Variants in PTPN23 observed in about 807,000 individuals in gnomAD.
PTPN23 encodes the protein tyrosine-protein phosphatase non-receptor type 23.
In PTPN23, 72 loss-of-function variants were observed where a neutral mutation model predicts 156.3. The observed-to-expected ratio is 0.46, with a 90% CI of 0.38 to 0.56. The LOEUF (loss-of-function observed/expected upper bound fraction) is 0.56, where lower values mean the gene tolerates loss of function less well. PTPN23 is among the 20% of genes least tolerant of loss of function. PTPN23 has a pLI of 0.00. For synonymous variants in PTPN23, 957 were observed against 899.6 expected (o/e 1.06, Z -1.14); for missense variants, 1,974 against 2,171.5 (o/e 0.91, Z 1.81).
chr3:47,391,980 G>A lies in PTPN23; in HGVS notation c.85-4163G>A, dbSNP rs117221514. ...GGTTCACTGCAACCTTGAACTCCTG[G>A]TGTCAAGCAGTCCTCTCACCTCAAC... On this transcript the variant is annotated intron_variant, in intron 1 of 24. Coordinates refer to ENST00000265562, the MANE Select transcript of PTPN23 (RefSeq NM_015466.4). 2.8e-3 allele frequency among the ~76,000 whole-genome samples: 426 copies of A among 152,234 alleles called. 21 individuals carry two copies. In the East Asian group the frequency reaches 0.061, roughly 22 times the overall value.
Position 47,412,887 on chromosome 3 carries a change from C to A in PTPN23, c.4613C>A (p.Thr1538Asn), listed in dbSNP as rs191428538. 6.2e-7 allele frequency: 1 copy of A among 1,611,628 alleles called. No homozygotes were observed. Among genetic ancestry groups the A allele is most frequent in the Admixed American group, 1.7e-5 (1 of 59,914 alleles). The change falls in exon 25 of 25, where the codon ACC becomes AAC. Residue 1538 changes from threonine to asparagine, a missense_variant. By Grantham distance (65) the Thr-to-Asn change is moderately conservative (BLOSUM62 0). This residue lies in a region of PTPN23 where 484 missense variants were observed against 516.0 expected (regional missense o/e 0.94). Transcript: ENST00000265562. ...GLPPASLPESTPIPSSSPPPL... is the reference protein window; with the variant it reads ...GLPPASLPESNPIPSSSPPPL... ...CCGCCAGCCAGCCTCCCAGAGTCTA[C>A]CCCAATCCCATCTTCCTCCCCGCCC...
intron 1 of PTPN23, among the ~76,000 whole-genome samples, chr3:47,387,295 G>A (rs1036261988): frequency 8.0e-5 from 12 of 149,930 alleles, no homozygotes; most frequent in African/African-American, 2.0e-4. Flanking sequence ...GGTCAGGCAC[G>A]TTGGCTCATG....
chr3:47,391,452 G>T (rs1223289525), intron 1 of PTPN23, among the ~76,000 whole-genome samples: 2 of 152,140 alleles, frequency 1.3e-5, no homozygotes, highest in East Asian at 1.9e-4. Flanking sequence ...TGATAATAGT[G>T]TCTACCTCTT....
At chr3:47,385,455 T>C (rs895858948) in intron 1 of PTPN23, among the ~76,000 whole-genome samples, 5 of 152,098 alleles carry the variant, frequency 3.3e-5, no homozygotes, top group African/African-American at 1.2e-4. Flanking sequence ...GGCAGGTGGA[T>C]TGCTTGAGTC....
chr3:47,402,242 A>T (rs949267156), intron 2 of PTPN23, among the ~76,000 whole-genome samples: 1 of 152,300 alleles, frequency 6.6e-6, no homozygotes, highest in African/African-American at 2.4e-5. Context: ...AATTAAATAC[A>T]TGTCTGTCAG....
In PTPN23 at chr3:47,411,140, C is replaced by G; in HGVS notation, c.3342C>G (p.Ala1114=). Residue 1114 remains alanine (A), a synonymous_variant, in exon 20 of 25, where the codon GCC becomes GCG. Transcript: ENST00000265562. This position sits in a 1 kb window ranked among gnomAD's most constrained non-coding sequence, Gnocchi z 6.3. ...AEPPPCLRRG[A]AAADLLSSSP... The stretch of plus-strand genomic sequence containing the variant: ...CACCCCCTTGCCTGCGCCGAGGCGC[C>G]GCAGCTGCAGACCTGCTCTCCTCCA... 6.2e-7 allele frequency: 1 copy of G among 1,600,918 alleles called. No homozygotes were observed. Among genetic ancestry groups the G allele is most frequent in the South Asian group, 1.1e-5 (1 of 89,652 alleles).
At chr3:47,391,991 T>C (rs1004185261) in intron 1 of PTPN23, among the ~76,000 whole-genome samples, 1 of 152,166 alleles carries the variant, frequency 6.6e-6, no homozygotes, top group African/African-American at 2.4e-5. Context: ...TGTCAAGCAG[T>C]CCTCTCACCT....
rs925734813 is a variant in PTPN23, at chr3:47,405,028, CTG to C, written c.314_315del (p.Val105GlyfsTer3). On this transcript the variant is annotated frameshift_variant, in exon 4 of 25. Coordinates refer to ENST00000265562, the MANE Select transcript of PTPN23 (RefSeq NM_015466.4). LOFTEE classifies it high-confidence loss of function. This position sits in a 1 kb window ranked among gnomAD's most constrained non-coding sequence, Gnocchi z 4.7. ...AGGACAGAGATCTTCTCAGGCAAGT[CTG>C]TGGCCCATGAGGACATCAAGTACGA... The C allele has an allele frequency of 6.2e-7, 1 of 1,614,098 alleles. No individual in the cohort carries two copies. Among genetic ancestry groups the C allele is most frequent in the African/African-American group, 1.3e-5 (1 of 74,932 alleles).
chr3:47,407,682 T>C lies in PTPN23; in HGVS notation c.1004-15T>C, dbSNP rs149865007. 233 of 1,610,358 alleles carry C rather than the reference T, an allele frequency of 1.4e-4. No individual in the cohort carries two copies. In the East Asian group the frequency reaches 4.5e-3, roughly 31 times the overall value. ...CTCTGCGTGGGCCTGATCTCCACAA[T>C]TCCCACCCCCCCAGGAGCCCCCTTG... is the stretch of plus-strand genomic sequence containing the variant. On this transcript the variant is annotated splice_polypyrimidine_tract_variant and intron_variant, in intron 12 of 24. Transcript: ENST00000265562. This position sits in a 1 kb window ranked among gnomAD's most constrained non-coding sequence, Gnocchi z 4.0.
rs1156669153 is a variant in PTPN23 at position 47,406,598 on chromosome 3, G to A, written c.745G>A (p.Ala249Thr). Residue 249 changes from alanine (A) to threonine (T), a missense_variant, in exon 8 of 25, where the codon GCA (alanine) becomes ACA (threonine). Ala to Thr is a moderately conservative substitution (Grantham distance 58, BLOSUM62 0). This residue lies in a region of PTPN23 where 726 missense variants were observed against 929.5 expected (regional missense o/e 0.78). Transcript: ENST00000265562. The surrounding 1 kb of genome is among the most constrained non-coding windows in gnomAD (Gnocchi z 5.8). The stretch of plus-strand genomic sequence containing the variant: ...TGTGCAGATGAAGATCTACTACTTC[G>A]CAGCCGTGGCTCATGTGAGGGCCTG... ...KLVQMKIYYF[A>T]AVAHLHMGKQ... 8.1e-6 allele frequency: 13 copies of A among 1,613,780 alleles called. No individual in the cohort carries two copies. The highest frequency in any genetic ancestry group is 5.5e-5 in the South Asian group (5 of 91,084).
rs774229968 is a variant in PTPN23, at chr3:47,412,769, C to T, written c.4495C>T (p.Gln1499Ter). 1.2e-6 allele frequency: 2 copies of T among 1,612,408 alleles called. No homozygotes were observed. The highest frequency in any genetic ancestry group is 1.1e-5 in the South Asian group (1 of 90,884). The change falls in exon 25 of 25, where the codon CAG becomes TAG. Residue 1499 changes from glutamine to a stop codon, truncating the protein, a stop_gained. Coordinates refer to ENST00000265562, the MANE Select transcript of PTPN23 (RefSeq NM_015466.4). LOFTEE classifies it high-confidence loss of function. ...LGGDVPISSI[Q>*]ATIAKLSIRP... ...TGGGGATGTGCCCATCAGCTCCATC[C>T]AGGCCACCATTGCCAAGCTCAGCAT... is the stretch of plus-strand genomic sequence containing the variant.
chr3:47,387,284 T>C (rs546367553), intron 1 of PTPN23, among the ~76,000 whole-genome samples: 1 of 151,660 alleles, frequency 6.6e-6, no homozygotes, highest in East Asian at 1.9e-4. Flanking sequence ...TTAACAATAC[T>C]GGTCAGGCAC....
At chr3:47,403,144 G>A (rs1392639737) in intron 2 of PTPN23, among the ~76,000 whole-genome samples, 1 of 143,354 alleles carries the variant, frequency 7.0e-6, no homozygotes, top group Admixed American at 7.0e-5. Flanking sequence ...TCCGCCCCCC[G>A]GGGGTTCACG....
chr3:47,386,385 C>T (rs1704652714), intron 1 of PTPN23, among the ~76,000 whole-genome samples: 1 of 152,202 alleles, frequency 6.6e-6, no homozygotes, highest in African/African-American at 2.4e-5. Context: ...AGGCTGGTCT[C>T]GAACTCCTGA....
Position 47,406,761 on chromosome 3 carries a change from G to C in PTPN23, c.807+11G>C. 6.2e-7 allele frequency: 1 copy of C among 1,613,422 alleles called. No homozygotes were observed. Reference sequence around the variant, plus strand: ...AAGTTCGGGGAGCGGGTGAGCTACAGCGAGGAGGGGACTGGGGACCAATGG... The same window carrying C: ...AAGTTCGGGGAGCGGGTGAGCTACACCGAGGAGGGGACTGGGGACCAATGG... On this transcript the variant is annotated intron_variant, in intron 9 of 24. Transcript: ENST00000265562. This position sits in a 1 kb window ranked among gnomAD's most constrained non-coding sequence, Gnocchi z 5.8.
chr3:47,403,201 T>A (rs111512391), intron 2 of PTPN23, among the ~76,000 whole-genome samples: 1 of 151,626 alleles, frequency 6.6e-6, no homozygotes, highest in Non-Finnish European at 1.5e-5. Flanking sequence ...TACAGGTGCC[T>A]GCCACCACGT....
Position 47,410,021 on chromosome 3 carries a change from C to G in PTPN23, c.2223C>G (p.Pro741=), listed in dbSNP as rs754791243. ...GTGAGGCAGTGGAAGCAGGAGACCCCCCTGAGGAGCTGCGCAGCCTCCCCC... is the reference window on the plus strand; with the variant it reads ...GTGAGGCAGTGGAAGCAGGAGACCCGCCTGAGGAGCTGCGCAGCCTCCCCC... The part of the protein sequence containing the change: ...EESEAVEAGD[P]PEELRSLPPD... Residue 741 remains proline, a synonymous_variant, in exon 20 of 25, where the codon CCC becomes CCG. Transcript: ENST00000265562. 1 of 1,610,284 alleles carries G rather than the reference C, an allele frequency of 6.2e-7. No homozygotes were observed.
At chr3:47,387,543 C>G (rs1420986805) in intron 1 of PTPN23, among the ~76,000 whole-genome samples, 2 of 149,946 alleles carry the variant, frequency 1.3e-5, no homozygotes, top group African/African-American at 2.5e-5. Flanking sequence ...TCTCGCCACT[C>G]CAGCCTGGGT....
intron 1 of PTPN23, among the ~76,000 whole-genome samples, chr3:47,388,242 T>C (rs1254446268): frequency 6.6e-6 from 1 of 152,202 alleles, no homozygotes; most frequent in African/African-American, 2.4e-5. Flanking sequence ...GGGGTCTTGC[T>C]GTAACACCCA....
Sources: allele counts gnomAD v4.1 joint callset (sites outside exome capture counted in the v4.1 genomes callset), GRCh38; gene constraint gnomAD v4.1.1; regional missense constraint gnomAD v4.1.1; non-coding constraint Gnocchi (gnomAD v3.1); transcripts MANE v1.5; gene names NCBI Gene and HGNC (gene_info 2026-07-23, HGNC 2026-07-21).